Variants in PCTP observed in about 807,000 individuals in gnomAD.
PCTP encodes phosphatidylcholine transfer protein.
A neutral mutation model predicts 31.0 loss-of-function variants in PCTP; 27 were observed. That is an observed-to-expected ratio of 0.87 (90% CI 0.64 to 1.20). The LOEUF is 1.20. Among genes scored for constraint, PCTP ranks in the 50% most tolerant of loss-of-function variants. The probability of loss-of-function intolerance (pLI) is 0.00; values close to 1 mark genes in which losing one functional copy is unlikely to be tolerated. For synonymous variants in PCTP, 108 were observed against 101.2 expected (o/e 1.07, Z -0.40); for missense variants, 287 against 268.2 (o/e 1.07, Z -0.49).
At chr17:55,847,361 C>A (rs1906171466), downstream of PCTP, among the ~76,000 whole-genome samples, 1 of 152,150 alleles carries the variant, frequency 6.6e-6, no homozygotes, top group South Asian at 2.1e-4. Flanking sequence ...CTTGTAATCC[C>A]CAGGTATTGA....
chr17:55,811,672 T>G (rs1181954235), intron 3 of PCTP, among the ~76,000 whole-genome samples: 5 of 152,254 alleles, frequency 3.3e-5, no homozygotes, highest in African/African-American at 9.6e-5. Flanking sequence ...CCAGCTGGGA[T>G]GTCGTCACTG....
At chr17:55,825,302 A>G (rs1257108967), downstream of PCTP, among the ~76,000 whole-genome samples, 1 of 152,254 alleles carries the variant, frequency 6.6e-6, no homozygotes, top group Non-Finnish European at 1.5e-5. Flanking sequence ...CAACTTCAAA[A>G]TAAGGATTGA....
At chr17:55,803,248 T>G (rs986002671) in intron 3 of PCTP, among the ~76,000 whole-genome samples, 2 of 152,158 alleles carry the variant, frequency 1.3e-5, no homozygotes, top group African/African-American at 4.8e-5. Flanking sequence ...TGGTCATGGA[T>G]AAGAAGAATC....
intron 3 of PCTP, among the ~76,000 whole-genome samples, chr17:55,793,721 A>G (rs1203746866): frequency 6.6e-6 from 1 of 152,156 alleles, no homozygotes; most frequent in Non-Finnish European, 1.5e-5. Context: ...CGCTGCTCTC[A>G]TTAAAGAAAT....
intron 5 of PCTP, among the ~76,000 whole-genome samples, chr17:55,841,040 T>C (rs186263833): frequency 2.0e-5 from 3 of 152,330 alleles, no homozygotes; most frequent in Admixed American, 2.0e-4. Flanking sequence ...AAACATATCT[T>C]CCACGAACAA....
intron 3 of PCTP, among the ~76,000 whole-genome samples, chr17:55,796,613 T>C (rs1912196459): frequency 6.6e-6 from 1 of 151,984 alleles, no homozygotes. Context: ...GAGATATCAT[T>C]AGTCTTTAAT....
At chr17:55,791,917 C>A (rs1911997574) in intron 3 of PCTP, among the ~76,000 whole-genome samples, 2 of 152,024 alleles carry the variant, frequency 1.3e-5, no homozygotes, top group Non-Finnish European at 2.9e-5. Context: ...AAATGTCCAA[C>A]AGTGATAGAC....
In PCTP at chr17:55,776,174, G is replaced by A; in HGVS notation, c.*74G>A. 1 of 1,576,798 alleles carries A rather than the reference G, an allele frequency of 6.3e-7. No homozygotes were observed. Among genetic ancestry groups the A allele is most frequent in the Non-Finnish European group, 8.6e-7 (1 of 1,159,952 alleles). On this transcript the variant is annotated 3_prime_UTR_variant, in exon 6 of 6. Coordinates refer to ENST00000268896, the MANE Select transcript of PCTP (RefSeq NM_021213.4). ...GCAACCACCCAATGTCTCTGGAAGT[G>A]CCACCTGGAAGTGCCACCTGGAAGT... is the stretch of plus-strand genomic sequence containing the variant.
intron 3 of PCTP, among the ~76,000 whole-genome samples, chr17:55,796,800 G>T (rs565111001): frequency 6.0e-5 from 9 of 150,384 alleles, no homozygotes; most frequent in East Asian, 1.9e-4. Flanking sequence ...ATTAAGATGG[G>T]GAAAAGTAAA....
At chr17:55,842,081 A>G (rs759702903) in intron 5 of PCTP, among the ~76,000 whole-genome samples, 6 of 152,230 alleles carry the variant, frequency 3.9e-5, no homozygotes, top group Non-Finnish European at 7.3e-5. Flanking sequence ...AAATACTTCA[A>G]TGAATAAAAA....
At chr17:55,770,301 C>G (rs1052906485) in intron 2 of PCTP, 10 of 152,204 alleles carry the variant, frequency 6.6e-5, no homozygotes, top group Non-Finnish European at 1.3e-4. Context: ...TGATCTCTAA[C>G]TATTCAAGAA....
chr17:55,812,000 A>G (rs1355488112), intron 3 of PCTP, among the ~76,000 whole-genome samples: 1 of 152,186 alleles, frequency 6.6e-6, no homozygotes, highest in African/African-American at 2.4e-5. Flanking sequence ...ATTTTATTAC[A>G]TTGAATCTTC....
At chr17:55,851,581 A>G in the PCTP span, among the ~76,000 whole-genome samples, 1 of 152,246 alleles carries the variant, frequency 6.6e-6, no homozygotes, top group Non-Finnish European at 1.5e-5. Context: ...ACAAATAATA[A>G]TGGAAACCTT....
rs185436402 is a variant in PCTP at position 55,828,111 on chromosome 17, A to G, written n.505+5184A>G. Reference sequence around the variant, plus strand: ...AAGGAACAGAAAATTGGTATGCTAAACCCTTCTATAACTAATTGGAGAAGC... The same window carrying G: ...AAGGAACAGAAAATTGGTATGCTAAGCCCTTCTATAACTAATTGGAGAAGC... On this transcript the variant is annotated intron_variant and non_coding_transcript_variant, in intron 5 of 5. Transcript: ENST00000576221. Among the ~76,000 whole-genome samples, 51 of 152,268 alleles carry G rather than the reference A, an allele frequency of 3.3e-4. No individual in the cohort carries two copies. The East Asian group carries it at 8.3e-3, about 25-fold the overall frequency.
intron 3 of PCTP, among the ~76,000 whole-genome samples, chr17:55,812,074 G>A (rs1202699289): frequency 6.6e-6 from 1 of 152,196 alleles, no homozygotes; most frequent in African/African-American, 2.4e-5. Flanking sequence ...AGATTCAGAT[G>A]TGAAAGTAAC....
chr17:55,774,158 A>G (rs1044540434), intron 4 of PCTP, among the ~76,000 whole-genome samples: 1 of 152,200 alleles, frequency 6.6e-6, no homozygotes, highest in East Asian at 1.9e-4. Context: ...CCAGACCATT[A>G]TAAGTAAGCC....
chr17:55,812,653 G>A (rs1388223264), intron 3 of PCTP, among the ~76,000 whole-genome samples: 1 of 152,204 alleles, frequency 6.6e-6, no homozygotes, highest in African/African-American at 2.4e-5. Context: ...CATGTTGCAA[G>A]GCTGACTTAG....
At chr17:55,761,991 A>G (rs1470607205) in intron 1 of PCTP, among the ~76,000 whole-genome samples, 6 of 152,314 alleles carry the variant, frequency 3.9e-5, no homozygotes, top group Middle Eastern at 3.4e-3. Context: ...AAGAAGTATT[A>G]CAGTAGGAAA....
At chr17:55,773,664 G>A (rs763940158) in intron 3 of PCTP, 60 bp from the exon 4 acceptor site, 7 of 1,515,048 alleles carry the variant, frequency 4.6e-6, no homozygotes, top group African/African-American at 2.7e-5. Flanking sequence ...AGCTTGTGGC[G>A]CTTTCCTTCT....
Sources: allele counts gnomAD v4.1 joint callset (sites outside exome capture counted in the v4.1 genomes callset), GRCh38; gene constraint gnomAD v4.1.1; transcripts MANE v1.5; gene names NCBI Gene and HGNC (gene_info 2026-07-23, HGNC 2026-07-21).